TMEM233: variants seen among roughly 807,000 people sequenced by gnomAD.
TMEM233 encodes the protein transmembrane protein 233, also known as dispanin subfamily B member 2.
TMEM233 carries 6 observed loss-of-function variants against 11.2 expected under a neutral mutation model. That is an observed-to-expected ratio of 0.54 (90% CI 0.29 to 1.06). The LOEUF is 1.06. TMEM233 is among the 50% of genes least tolerant of loss of function. The pLI is 0.08. For synonymous variants in TMEM233, 59 were observed against 55.8 expected, an observed-to-expected ratio of 1.06 and a Z score of -0.26; for missense variants, 127 against 144.7, an observed-to-expected ratio of 0.88 and a Z score of 0.63.
intron 2 of TMEM233, among the ~76,000 whole-genome samples, chr12:119,639,324 G>A (rs1417997529): frequency 1.3e-5 from 2 of 151,744 alleles, no homozygotes; most frequent in African/African-American, 4.8e-5. Flanking sequence ...GCCCTTAAGA[G>A]TGCCTATTTA....
At chr12:119,626,515 GAGGAGAA>G (rs1566109033) in intron 1 of TMEM233, among the ~76,000 whole-genome samples, 1 of 55,290 alleles carries the variant, frequency 1.8e-5, no homozygotes, top group Non-Finnish European at 4.2e-5. Flanking sequence ...GGAGGAGGAG[GAGGAGAA>G]GGGAGAAGGG....
intron 1 of TMEM233, among the ~76,000 whole-genome samples, chr12:119,617,853 AAGAAACCCC>A (rs1426869757): frequency 3.3e-5 from 5 of 152,346 alleles, no homozygotes; most frequent in Admixed American, 1.3e-4. Context: ...AAAAGAAAGA[AAGAAACCCC>A]ATTTTCTGGG....
At chr12:119,636,378 G>A (rs10849685) in intron 2 of TMEM233, among the ~76,000 whole-genome samples, 4 of 152,076 alleles carry the variant, frequency 2.6e-5, no homozygotes, top group Admixed American at 6.5e-5. Context: ...ATTTCTTATT[G>A]TTATTATAGC....
downstream of TMEM233, among the ~76,000 whole-genome samples, chr12:119,644,498 A>G (rs1433969145): frequency 8.2e-5 from 7 of 85,822 alleles, no homozygotes; most frequent in Non-Finnish European, 1.3e-4. Context: ...TTTTTTTTTG[A>G]GATGGAGTTT....
the TMEM233 span, among the ~76,000 whole-genome samples, chr12:119,650,815 G>A: frequency 2.0e-5 from 3 of 152,098 alleles, no homozygotes; most frequent in South Asian, 4.2e-4. Context: ...GCTAATTTTT[G>A]TATTTTTAGT....
In TMEM233 at chr12:119,627,914, T is replaced by C. The variant is rs1348442281; in HGVS notation, c.187-1822T>C. ...TTCCAGGGCAATGACTCGGAAGTTGTCACCCCTTTTCAGGGCCACGACCCA... is the reference window on the plus strand; with the variant it reads ...TTCCAGGGCAATGACTCGGAAGTTGCCACCCCTTTTCAGGGCCACGACCCA... On this transcript the variant is annotated intron_variant, in intron 1 of 2. Coordinates refer to ENST00000426426, the MANE Select transcript of TMEM233 (RefSeq NM_001136534.3). Among the ~76,000 whole-genome samples, 3 of 152,304 alleles carry C rather than the reference T, an allele frequency of 2.0e-5. No individual in the cohort carries two copies. In the East Asian group the frequency reaches 5.8e-4, roughly 29 times the overall value.
chr12:119,640,852 A>C lies in TMEM233; in HGVS notation c.*147A>C. 2 of 575,386 alleles carry C rather than the reference A, an allele frequency of 3.5e-6. No homozygotes were observed. The highest frequency in any genetic ancestry group is 4.9e-6 in the Non-Finnish European group (2 of 411,476). 35.6% of individuals were successfully genotyped at this position (575,386 alleles called of 1,614,324 possible). A position where few individuals can be genotyped will look rare whatever the true frequency, so the allele number is the denominator to read the frequency against. On this transcript the variant is annotated 3_prime_UTR_variant, in exon 3 of 3. Coordinates refer to ENST00000426426, the MANE Select transcript of TMEM233 (RefSeq NM_001136534.3). ...CCAGAGGCAGGTCCCTGGCAAATGA[A>C]CAAGAAAAAAAAAAAAAAAAAGTCC...
At chr12:119,646,297 GA>G (rs1382546272), downstream of TMEM233, among the ~76,000 whole-genome samples, 1 of 152,136 alleles carries the variant, frequency 6.6e-6, no homozygotes, top group Non-Finnish European at 1.5e-5. Flanking sequence ...GGCCTCAAGT[GA>G]TCCGCCCACC....
At chr12:119,596,859 A>G (rs796716912) in intron 1 of TMEM233, among the ~76,000 whole-genome samples, 11 of 152,320 alleles carry the variant, frequency 7.2e-5, no homozygotes, top group African/African-American at 2.6e-4. Context: ...AGCTGTTTTA[A>G]GTTGAGCAAA....
At chr12:119,652,670 TA>T in the TMEM233 span, among the ~76,000 whole-genome samples, 1 of 152,144 alleles carries the variant, frequency 6.6e-6, no homozygotes, top group Admixed American at 6.5e-5. Context: ...AAAAGGGACC[TA>T]AAAAATCTGA....
In TMEM233 at chr12:119,640,574, TACA is replaced by T. The variant is rs1955065790; in HGVS notation, c.324-124_324-122del. On this transcript the variant is annotated intron_variant, in intron 2 of 2. Coordinates refer to ENST00000426426, the MANE Select transcript of TMEM233 (RefSeq NM_001136534.3). ...AGTCAAAAGTGTGCACGCAGGCTGG[TACA>T]TTTCAACATGTGTTTAACCAGAGTC... 5.8e-6 allele frequency: 6 copies of T among 1,042,076 alleles called. No individual in the cohort carries two copies. In the Admixed American group the frequency reaches 1.2e-4, roughly 21 times the overall value. The allele number at this position is 1,042,076 out of a possible 1,614,324, so 64.6% of individuals were successfully genotyped here.
At chr12:119,645,339 A>AAAAAAAAAAACC (rs1955136647), downstream of TMEM233, among the ~76,000 whole-genome samples, 1 of 151,340 alleles carries the variant, frequency 6.6e-6, no homozygotes, top group African/African-American at 2.4e-5. Flanking sequence ...AAAAAAAAAA[A>AAAAAAAAAAACC]TCTTGTAAGA....
rs2136774264 is a variant in TMEM233 at position 119,629,819 on chromosome 12, C to T, written c.270C>T (p.Ile90=). Residue 90 remains isoleucine, a synonymous_variant, in exon 2 of 3, where the codon ATC becomes ATT. Coordinates refer to ENST00000426426, the MANE Select transcript of TMEM233 (RefSeq NM_001136534.3). ...RNAKWVAIAS[I]IIGLLIIGIS... Reference sequence around the variant, plus strand: ...CTAAGTGGGTAGCCATCGCCTCCATCATCATTGGCCTTCTCATCATCGGCA... The same window carrying T: ...CTAAGTGGGTAGCCATCGCCTCCATTATCATTGGCCTTCTCATCATCGGCA... 1 of 1,551,696 alleles carries T rather than the reference C, an allele frequency of 6.4e-7. No homozygotes were observed.
At chr12:119,652,060 G>T in the TMEM233 span, among the ~76,000 whole-genome samples, 1 of 152,160 alleles carries the variant, frequency 6.6e-6, no homozygotes. Context: ...TAGTGTTGAG[G>T]AGGATGTGAG....
At chr12:119,624,735 A>G (rs1954714283) in intron 1 of TMEM233, among the ~76,000 whole-genome samples, 1 of 151,996 alleles carries the variant, frequency 6.6e-6, no homozygotes, top group Non-Finnish European at 1.5e-5. Context: ...ATTGGGGAAG[A>G]TGAAAATTCC....
chr12:119,650,628 T>TTTGTTGTTGTTGTTGTTGTTGTTG, the TMEM233 span, among the ~76,000 whole-genome samples: 1 of 151,338 alleles, frequency 6.6e-6, no homozygotes, highest in African/African-American at 2.4e-5. Flanking sequence ...CTTATTTGAT[T>TTTGTTGTTGTTGTTGTTGTTGTTG]TTGTTGTTGT....
Position 119,640,856 on chromosome 12 carries a change from G to A in TMEM233, c.*151G>A, listed in dbSNP as rs79201920. The A allele has an allele frequency of 0.017, 6,822 of 390,020 alleles. 16 individuals carry two copies. Among genetic ancestry groups the A allele is most frequent in the East Asian group, 0.036 (760 of 20,998 alleles). The allele number at this position is 390,020 out of a possible 1,614,324, so 24.2% of individuals were successfully genotyped here. A position where few individuals can be genotyped will look rare whatever the true frequency, so the allele number is the denominator to read the frequency against. On this transcript the variant is annotated 3_prime_UTR_variant, in exon 3 of 3. Transcript: ENST00000426426. ...AGGCAGGTCCCTGGCAAATGAACAA[G>A]AAAAAAAAAAAAAAAAAGTCCAAAA...
intron 1 of TMEM233, among the ~76,000 whole-genome samples, chr12:119,625,030 C>T (rs894389167): frequency 1.3e-4 from 20 of 152,118 alleles, no homozygotes; most frequent in Non-Finnish European, 2.9e-5. Context: ...AGGAACTCAC[C>T]TTGCTGGAAG....
intron 1 of TMEM233, among the ~76,000 whole-genome samples, chr12:119,607,347 C>A (rs537252256): frequency 7.2e-4 from 110 of 152,230 alleles, no homozygotes; most frequent in African/African-American, 2.5e-3. Flanking sequence ...GCTCCAGTGG[C>A]GCAATCGGTT....
Sources: allele counts gnomAD v4.1 joint callset (sites outside exome capture counted in the v4.1 genomes callset), GRCh38; gene constraint gnomAD v4.1.1; transcripts MANE v1.5; gene names NCBI Gene and HGNC (gene_info 2026-07-23, HGNC 2026-07-21).